Variants in FGR observed in about 807,000 individuals in gnomAD.
FGR encodes tyrosine-protein kinase Fgr.
FGR carries 26 observed loss-of-function variants against 63.2 expected under a neutral mutation model. The observed-to-expected ratio is 0.41, with a 90% CI of 0.30 to 0.57. The LOEUF is 0.57. Ranked by LOEUF, FGR falls within the 20% of genes least tolerant of loss-of-function variation. FGR has a pLI of 0.27. For missense variants in FGR, 511 were observed against 690.8 expected (o/e 0.74, Z 2.92); for synonymous variants, 286 against 277.7 (o/e 1.03, Z -0.30).
rs144263247 is a variant in FGR, at chr1:27,615,924, C to A, written c.683-80G>T. 167 of 1,424,302 alleles carry A rather than the reference C, an allele frequency of 1.2e-4. 2 individuals are homozygous for A. In the African/African-American group the frequency reaches 1.2e-3, roughly 11 times the overall value. 88.2% of individuals were successfully genotyped at this position (1,424,302 alleles called of 1,614,324 possible). On this transcript the variant is annotated intron_variant, in intron 7 of 12. Coordinates refer to ENST00000374005, the MANE Select transcript of FGR (RefSeq NM_005248.3). This position sits in a 1 kb window ranked among gnomAD's most constrained non-coding sequence, Gnocchi z 7.6. Reference sequence around the variant, plus strand: ...CTCCTTATCCTATCCCAGCCTGGTGCCAGACCCTAAGATCAGTTATAAGGA... The same window carrying A: ...CTCCTTATCCTATCCCAGCCTGGTGACAGACCCTAAGATCAGTTATAAGGA...
intron 1 of FGR, among the ~76,000 whole-genome samples, chr1:27,631,315 C>G (rs2090101268): frequency 6.6e-6 from 1 of 152,174 alleles, no homozygotes; most frequent in African/African-American, 2.4e-5. Context: ...AGGGAGGGAC[C>G]CTGCCTCCCA....
Position 27,613,115 on chromosome 1 carries a change from A to T in FGR, c.1389T>A (p.Asn463Lys). Residue 463 changes from asparagine (N) to lysine (K), a missense_variant, in exon 13 of 13, where the codon AAT becomes AAA. Coordinates refer to ENST00000374005, the MANE Select transcript of FGR (RefSeq NM_005248.3). ...TKGRIPYPGM[N>K]KREVLEQVEQ... ...CCACCTGTTCCAACACTTCCCGTTT[A>T]TTCATGCCTGAAGGATGGGTCTCTG... 6 of 1,614,048 alleles carry T rather than the reference A, an allele frequency of 3.7e-6. No homozygotes were observed. The highest frequency in any genetic ancestry group is 5.1e-6 in the Non-Finnish European group (6 of 1,179,926).
rs138869993 is a variant in FGR at position 27,623,401 on chromosome 1, C to T, written c.227-257G>A. On this transcript the variant is annotated intron_variant, in intron 3 of 12. Transcript: ENST00000374005. ...TCCTCTTCCCCACCAAGAAGACTTCCCATCTGGGAAGTGGCACCTAAAAGG... is the reference window on the plus strand; with the variant it reads ...TCCTCTTCCCCACCAAGAAGACTTCTCATCTGGGAAGTGGCACCTAAAAGG... 1.3e-4 allele frequency: 80 copies of T among 597,320 alleles called. 1 individual carries two copies. The highest frequency in any genetic ancestry group is 1.3e-3 in the African/African-American group (69 of 53,972). 37.0% of individuals were successfully genotyped at this position (597,320 alleles called of 1,614,324 possible).
intron 1 of FGR, among the ~76,000 whole-genome samples, chr1:27,634,184 G>A (rs2090145347): frequency 6.6e-6 from 1 of 152,148 alleles, no homozygotes. Context: ...GCCCAGCGCG[G>A]CCCGCCCTCT....
At chr1:27,630,563 G>A (rs368481175) in intron 1 of FGR, among the ~76,000 whole-genome samples, 1 of 149,498 alleles carries the variant, frequency 6.7e-6, no homozygotes, top group African/African-American at 2.6e-5. Context: ...GGGCGCAGGT[G>A]GGGGGAGGGA....
Position 27,615,724 on chromosome 1 carries a change from C to T in FGR, c.803G>A (p.Arg268Gln), listed in dbSNP as rs1260711632. Residue 268 changes from arginine (R) to glutamine (Q), a missense_variant, in exon 8 of 13, where the codon CGG becomes CAG. Physicochemically the swap from Arg to Gln is conservative, Grantham distance 43 (BLOSUM62 1). Transcript: ENST00000374005. The surrounding 1 kb of genome is among the most constrained non-coding windows in gnomAD (Gnocchi z 7.6). Reference sequence around the variant, plus strand: ...ATCCCCGAAGCAGCCGGTGCCCAGCCGGCGCTCCAGCGTGATGGAGCTGCG... The same window carrying T: ...ATCCCCGAAGCAGCCGGTGCCCAGCTGGCGCTCCAGCGTGATGGAGCTGCG... ...ISRSSITLER[R>Q]LGTGCFGDVW... is the part of the protein sequence containing the mutation. The T allele has an allele frequency of 1.2e-6, 2 of 1,607,202 alleles. No individual in the cohort carries two copies. The highest frequency in any genetic ancestry group is 1.7e-6 in the Non-Finnish European group (2 of 1,175,700).
At chr1:27,621,805 G>A (rs1041775690) in intron 4 of FGR, 148 bp from the exon 5 acceptor site, 11 of 641,266 alleles carry the variant, frequency 1.7e-5, no homozygotes, top group African/African-American at 1.4e-4. Context: ...TGTCCGCTCT[G>A]CCCCAGCCAC....
chr1:27,618,401 A>G (rs2089856444), intron 5 of FGR, among the ~76,000 whole-genome samples: 1 of 152,154 alleles, frequency 6.6e-6, no homozygotes, highest in African/African-American at 2.4e-5. Flanking sequence ...GATAGCTACT[A>G]TTGTTAAACC....
chr1:27,622,996 G>T, intron 4 of FGR, 46 bp downstream of exon 4: 1 of 1,396,356 alleles, frequency 7.2e-7, no homozygotes, highest in Non-Finnish European at 1.0e-6. Context: ...TCTGTGTCCT[G>T]CTCCCAGCCC....
rs150404763 is a variant in FGR, at chr1:27,613,262, G to T, written c.1338C>A (p.Ile446=). The T allele has an allele frequency of 5.6e-6, 9 of 1,614,092 alleles. No individual in the cohort carries two copies. The highest frequency in any genetic ancestry group is 2.7e-5 in the African/African-American group (2 of 74,928). Residue 446 remains isoleucine (I), a synonymous_variant, in exon 12 of 13, where the codon ATC becomes ATA. Coordinates refer to ENST00000374005, the MANE Select transcript of FGR (RefSeq NM_005248.3). ...CCTTGGTGATGAGCTCAGTGAGCAG[G>T]ATCCCAAAGGACCACACGTCTGACT... The part of the protein sequence containing the change: ...TIKSDVWSFG[I]LLTELITKGR...
At position 27,615,735 on chromosome 1, in the gene FGR, C is replaced by T; in HGVS notation, c.792G>A (p.Thr264=). 6.2e-7 allele frequency: 1 copy of T among 1,609,570 alleles called. No homozygotes were observed. Among genetic ancestry groups the T allele is most frequent in the Non-Finnish European group, 8.5e-7 (1 of 1,177,636 alleles). Residue 264 remains threonine (T), a synonymous_variant, in exon 8 of 13, where the codon ACG becomes ACA. Coordinates refer to ENST00000374005, the MANE Select transcript of FGR (RefSeq NM_005248.3). This position sits in a 1 kb window ranked among gnomAD's most constrained non-coding sequence, Gnocchi z 7.6. ...AGCCGGTGCCCAGCCGGCGCTCCAG[C>T]GTGATGGAGCTGCGGCTGATCTCCC... ...DAWEISRSSI[T]LERRLGTGCF...
At chr1:27,632,166 T>C (rs1250158027) in intron 1 of FGR, among the ~76,000 whole-genome samples, 1 of 150,764 alleles carries the variant, frequency 6.6e-6, no homozygotes, top group Non-Finnish European at 1.5e-5. Context: ...AAACAGTGTC[T>C]CATTCTGTCG....
chr1:27,615,075 T>C lies in FGR; in HGVS notation c.1019-149A>G. ...GTGCCTCAACCCCTCACTTGTCTCGTCCTGGCCCTGCTGCCAGACACGGAC... is the reference window on the plus strand; with the variant it reads ...GTGCCTCAACCCCTCACTTGTCTCGCCCTGGCCCTGCTGCCAGACACGGAC... On this transcript the variant is annotated intron_variant, in intron 9 of 12. Transcript: ENST00000374005. This position sits in a 1 kb window ranked among gnomAD's most constrained non-coding sequence, Gnocchi z 7.6. 1 of 668,454 alleles carries C rather than the reference T, an allele frequency of 1.5e-6. No individual in the cohort carries two copies. The highest frequency in any genetic ancestry group is 1.7e-5 in the South Asian group (1 of 57,866). The allele number at this position is 668,454 out of a possible 1,614,324, so 41.4% of individuals were successfully genotyped here.
Position 27,612,801 on chromosome 1 carries a change from G to C in FGR, c.*113C>G. ...TGGTGTCAGAGCAGCCACGTCCTCG[G>C]TGATGCTAGGACTCTATGGGGTTCT... On this transcript the variant is annotated 3_prime_UTR_variant, in exon 13 of 13. Coordinates refer to ENST00000374005, the MANE Select transcript of FGR (RefSeq NM_005248.3). The C allele has an allele frequency of 1.0e-6, 1 of 986,018 alleles. No individual in the cohort carries two copies. The highest frequency in any genetic ancestry group is 1.5e-6 in the Non-Finnish European group (1 of 668,266). The allele number at this position is 986,018 out of a possible 1,614,324, so 61.1% of individuals were successfully genotyped here.
chr1:27,617,441 G>A lies in FGR; in HGVS notation c.429-145C>T, dbSNP rs2089836565. On this transcript the variant is annotated intron_variant, in intron 5 of 12. Coordinates refer to ENST00000374005, the MANE Select transcript of FGR (RefSeq NM_005248.3). This position sits in a 1 kb window ranked among gnomAD's most constrained non-coding sequence, Gnocchi z 4.5. ...ACCTGCTTCACATCCTGGCTGGGAGGGTTACAGAGAAGGGGAGTGTAAAAT... is the reference window on the plus strand; with the variant it reads ...ACCTGCTTCACATCCTGGCTGGGAGAGTTACAGAGAAGGGGAGTGTAAAAT... 1.6e-6 allele frequency: 1 copy of A among 635,186 alleles called. No homozygotes were observed. 39.3% of individuals were successfully genotyped at this position (635,186 alleles called of 1,614,324 possible). A position where few individuals can be genotyped will look rare whatever the true frequency, so the allele number is the denominator to read the frequency against.
chr1:27,614,691 A>G, intron 10 of FGR, 108 bp from the exon 11 acceptor site: 2 of 1,409,000 alleles, frequency 1.4e-6, no homozygotes, highest in Non-Finnish European at 9.8e-7. Context: ...AGAGGGGGAG[A>G]CTGAGGCCCA....
At chr1:27,628,680 C>G (rs1044378413) in intron 1 of FGR, among the ~76,000 whole-genome samples, 1 of 152,148 alleles carries the variant, frequency 6.6e-6, no homozygotes, top group Non-Finnish European at 1.5e-5. Flanking sequence ...CAATAATACC[C>G]ACGTATATAT....
At chr1:27,614,670 A>C in intron 10 of FGR, 87 bp from the exon 11 acceptor site, 1 of 1,508,168 alleles carries the variant, frequency 6.6e-7, no homozygotes, top group Non-Finnish European at 9.1e-7. Flanking sequence ...CATTTGAAAA[A>C]CCCACTTTCC....
intron 5 of FGR, among the ~76,000 whole-genome samples, chr1:27,619,147 C>T (rs950204388): frequency 3.3e-5 from 5 of 152,200 alleles, no homozygotes; most frequent in African/African-American, 7.2e-5. Flanking sequence ...TTGCACTCTC[C>T]ACTCTCTTCC....
Sources: allele counts gnomAD v4.1 joint callset (sites outside exome capture counted in the v4.1 genomes callset), GRCh38; gene constraint gnomAD v4.1.1; non-coding constraint Gnocchi (gnomAD v3.1); transcripts MANE v1.5; gene names NCBI Gene and HGNC (gene_info 2026-07-23, HGNC 2026-07-21).